The following GPC5 variants were observed in gnomAD, a reference collection of about 807,000 sequenced individuals.
GPC5 encodes glypican 5.
GPC5 carries 47 observed loss-of-function variants against 53.9 expected under a neutral mutation model. That is an observed-to-expected ratio of 0.87 (90% CI 0.69 to 1.11). The LOEUF is 1.11. GPC5 is among the 50% of genes most tolerant of loss of function. The pLI is 0.00. For synonymous variants in GPC5, 286 were observed against 263.3 expected (o/e 1.09, Z -0.84); for missense variants, 748 against 713.1 (o/e 1.05, Z -0.56).
chr13:92,457,299 A>G (rs1194281832), intron 7 of GPC5, among the ~76,000 whole-genome samples: 2 of 152,084 alleles, frequency 1.3e-5, no homozygotes, highest in East Asian at 1.9e-4. Flanking sequence ...TAGTGCTGTG[A>G]TGAACATGTG....
chr13:91,647,728 G>T (rs1357088698), intron 2 of GPC5, among the ~76,000 whole-genome samples: 2 of 152,188 alleles, frequency 1.3e-5, no homozygotes, highest in African/African-American at 4.8e-5. Context: ...CTCTCCTGCA[G>T]CCTGGGTCAT....
chr13:91,837,095 A>G (rs1312665459), intron 5 of GPC5, among the ~76,000 whole-genome samples: 1 of 150,612 alleles, frequency 6.6e-6, no homozygotes. Flanking sequence ...TTAAATATAT[A>G]AGAGAAATAT....
chr13:91,774,761 ATGAAATCAACTC>A (rs1214774322), intron 5 of GPC5, among the ~76,000 whole-genome samples: 2 of 152,152 alleles, frequency 1.3e-5, no homozygotes, highest in Admixed American at 1.3e-4. Context: ...TAGCCTGAAG[ATGAAATCAACTC>A]TGTGCTGCAA....
At chr13:91,822,845 G>A (rs1450915723) in intron 5 of GPC5, among the ~76,000 whole-genome samples, 1 of 152,002 alleles carries the variant, frequency 6.6e-6, no homozygotes, top group Non-Finnish European at 1.5e-5. Flanking sequence ...CACATGAGTT[G>A]GACTCTAAGT....
At chr13:91,692,466 A>G (rs895235280) in intron 2 of GPC5, among the ~76,000 whole-genome samples, 1 of 152,212 alleles carries the variant, frequency 6.6e-6, no homozygotes, top group Non-Finnish European at 1.5e-5. Flanking sequence ...AAAGATTTTA[A>G]AAATTATAAA....
At chr13:91,677,023 T>A (rs759403676) in intron 2 of GPC5, among the ~76,000 whole-genome samples, 1 of 152,138 alleles carries the variant, frequency 6.6e-6, no homozygotes, top group Non-Finnish European at 1.5e-5. Context: ...ACATTCAAAT[T>A]GAAAATAGAA....
chr13:92,281,949 G>A (rs12430758), intron 7 of GPC5, among the ~76,000 whole-genome samples: 30,219 of 152,090 alleles, frequency 0.2, 3,118 homozygotes, highest in South Asian at 0.37. Flanking sequence ...AAACTTCTCT[G>A]AGCTAAAGGA....
At chr13:92,716,547 C>T (rs1412342286) in intron 7 of GPC5, among the ~76,000 whole-genome samples, 1 of 151,922 alleles carries the variant, frequency 6.6e-6, no homozygotes, top group Non-Finnish European at 1.5e-5. Context: ...CTGCCAGCTC[C>T]CTGGGTAAGG....
At chr13:92,755,742 A>C (rs369111978) in intron 7 of GPC5, among the ~76,000 whole-genome samples, 12 of 140,132 alleles carry the variant, frequency 8.6e-5, no homozygotes, top group Admixed American at 1.5e-4. Context: ...GAAATGGATA[A>C]ATTCCTCGAC....
At chr13:91,810,593 A>G (rs1280194930) in intron 5 of GPC5, among the ~76,000 whole-genome samples, 2 of 151,982 alleles carry the variant, frequency 1.3e-5, no homozygotes, top group East Asian at 3.9e-4. Context: ...AACATAATAA[A>G]TAAAAATAGA....
chr13:92,583,811 G>A (rs1883444976), intron 7 of GPC5, among the ~76,000 whole-genome samples: 1 of 152,146 alleles, frequency 6.6e-6, no homozygotes, highest in Non-Finnish European at 1.5e-5. Context: ...CCTCGTGGCA[G>A]GTAATTGAAT....
At chr13:92,227,301 G>T (rs561670730) in intron 7 of GPC5, among the ~76,000 whole-genome samples, 1 of 152,018 alleles carries the variant, frequency 6.6e-6, no homozygotes, top group Non-Finnish European at 1.5e-5. Flanking sequence ...ATTGAAAAAC[G>T]CAAACAAAAA....
chr13:92,221,112 A>G (rs760079053), intron 7 of GPC5, among the ~76,000 whole-genome samples: 6 of 152,182 alleles, frequency 3.9e-5, no homozygotes, highest in Non-Finnish European at 7.3e-5. Flanking sequence ...GGCAAAAGCT[A>G]GAAGTCCCTG....
intron 6 of GPC5, among the ~76,000 whole-genome samples, chr13:91,956,526 C>T (rs914821288): frequency 1.3e-5 from 2 of 152,076 alleles, no homozygotes; most frequent in Admixed American, 6.5e-5. Flanking sequence ...CAGAAATGGC[C>T]TGCCTGTGCC....
chr13:92,164,487 C>A (rs2042012929), intron 7 of GPC5, among the ~76,000 whole-genome samples: 1 of 152,200 alleles, frequency 6.6e-6, no homozygotes, highest in East Asian at 1.9e-4. Context: ...CTCCATCTCT[C>A]ACATCCAGGT....
At chr13:92,169,287 T>C (rs544433102) in intron 7 of GPC5, among the ~76,000 whole-genome samples, 2 of 152,306 alleles carry the variant, frequency 1.3e-5, no homozygotes, top group East Asian at 1.9e-4. Flanking sequence ...ATGGCACATG[T>C]TTACCTATGT....
At chr13:92,849,322 C>T (rs755992271) in intron 7 of GPC5, among the ~76,000 whole-genome samples, 1 of 152,140 alleles carries the variant, frequency 6.6e-6, no homozygotes, top group African/African-American at 2.4e-5. Context: ...ATAATGTACA[C>T]AGAATATTTA....
chr13:92,386,840 T>C (rs9301804), intron 7 of GPC5, among the ~76,000 whole-genome samples: 1 of 151,818 alleles, frequency 6.6e-6, no homozygotes, highest in Admixed American at 6.6e-5. Context: ...TTAAAAATAC[T>C]CTCTGCTATA....
chr13:92,354,491 C>G (rs140430617), intron 7 of GPC5, among the ~76,000 whole-genome samples: 1 of 152,144 alleles, frequency 6.6e-6, no homozygotes, highest in African/African-American at 2.4e-5. Context: ...GACTAACATT[C>G]GTAATTTATT....
Sources: gnomAD v4.1 joint callset for allele counts (sites outside exome capture counted in the v4.1 genomes callset) on GRCh38, gnomAD v4.1.1 for gene constraint, MANE v1.5 for transcripts, NCBI Gene and HGNC (gene_info 2026-07-23, HGNC 2026-07-21) for gene names.